Variants in PRDM15 observed in about 807,000 individuals in gnomAD.
The protein encoded by PRDM15 is PR/SET domain 15.
PRDM15 carries 64 observed loss-of-function variants against 128.6 expected under a neutral mutation model. The observed-to-expected ratio is 0.50, with a 90% CI of 0.41 to 0.61. PRDM15 has a LOEUF of 0.61. Ranked by LOEUF, PRDM15 falls within the 20% of genes least tolerant of loss-of-function variation. The pLI, the probability that PRDM15 is intolerant of heterozygous loss-of-function variation, is 0.00. For synonymous variants in PRDM15, 615 were observed against 621.8 expected, an observed-to-expected ratio of 0.99 and a Z score of 0.16; for missense variants, 1,242 against 1,569.1, an observed-to-expected ratio of 0.79 and a Z score of 3.52.
chr21:41,878,596 G>A, intron 1 of PRDM15: 1 of 632,710 alleles, frequency 1.6e-6, no homozygotes. Context: ...ACCCACCCCG[G>A]GTAGGCACGC....
At chr21:41,806,021 C>T (rs796302490) in intron 21 of PRDM15, among the ~76,000 whole-genome samples, 6,588 of 25,540 alleles carry the variant, frequency 0.26, 237 homozygotes, top group Admixed American at 0.4. Context: ...ACCACCATCA[C>T]CACCACCACC....
intron 21 of PRDM15, among the ~76,000 whole-genome samples, chr21:41,806,052 C>T (rs201043032): frequency 1.6e-3 from 40 of 24,616 alleles, no homozygotes; most frequent in Middle Eastern, 0.011. Flanking sequence ...CCATCACCAC[C>T]ACCACCATCA....
chr21:41,850,137 G>A (rs554094108), intron 5 of PRDM15, among the ~76,000 whole-genome samples: 126 of 152,330 alleles, frequency 8.3e-4, no homozygotes, highest in Middle Eastern at 3.4e-3. Flanking sequence ...GAGAAGGTGA[G>A]TGAGAAATGG....
Position 41,834,951 on chromosome 21 carries a change from G to A in PRDM15, c.1366+486C>T, listed in dbSNP as rs192444713. Reference sequence around the variant, plus strand: ...AAGCTGGTGCACACAAGCAGGCTCAGAACAAAAAGAATGCGTGCAGGGGCA... The same window carrying A: ...AAGCTGGTGCACACAAGCAGGCTCAAAACAAAAAGAATGCGTGCAGGGGCA... On this transcript the variant is annotated intron_variant, in intron 11 of 23. Transcript: ENST00000398548. Among the ~76,000 whole-genome samples the A allele has an allele frequency of 7.9e-5, 12 of 152,310 alleles. No individual in the cohort carries two copies. In the East Asian group the frequency reaches 2.3e-3, roughly 29 times the overall value.
intron 1 of PRDM15, among the ~76,000 whole-genome samples, chr21:41,869,242 T>C (rs1053194642): frequency 2.6e-5 from 4 of 152,126 alleles, no homozygotes; most frequent in Non-Finnish European, 4.4e-5. Context: ...CTAAGACCTC[T>C]CTTCACCAAG....
At chr21:41,867,066 G>A (rs1052763354) in intron 1 of PRDM15, among the ~76,000 whole-genome samples, 3 of 152,214 alleles carry the variant, frequency 2.0e-5, no homozygotes, top group Non-Finnish European at 4.4e-5. Flanking sequence ...ACAGGGCTAA[G>A]GGAGCAGGGA....
intron 18 of PRDM15, among the ~76,000 whole-genome samples, chr21:41,816,554 A>G (rs776913045): frequency 3.3e-5 from 5 of 152,202 alleles, no homozygotes; most frequent in Non-Finnish European, 7.3e-5. Flanking sequence ...CTCCCAGGCC[A>G]CCGTGTTCCC....
chr21:41,844,285 C>T lies in PRDM15; in HGVS notation c.640+2805G>A, dbSNP rs567959590. Among the ~76,000 whole-genome samples, 319 of 152,090 alleles carry T rather than the reference C, an allele frequency of 2.1e-3. 2 individuals are homozygous for T. The highest frequency in any genetic ancestry group is 7.3e-3 in the African/African-American group (302 of 41,446). ...TCTGGGACAGCGCTCAGTGCCAGTC[C>T]GCTGAGGATATCCAAAGTGGCATGT... On this transcript the variant is annotated intron_variant, in intron 6 of 23. Transcript: ENST00000398548.
Position 41,828,202 on chromosome 21 carries a change from C to G in PRDM15, c.1498G>C (p.Asp500His). 3.1e-6 allele frequency: 5 copies of G among 1,614,060 alleles called. No individual in the cohort carries two copies. Among genetic ancestry groups the G allele is most frequent in the Non-Finnish European group, 4.2e-6 (5 of 1,179,984 alleles). Residue 500 changes from aspartate to histidine, a missense_variant, in exon 12 of 24, where the codon GAC becomes CAC. Transcript: ENST00000398548. This position sits in a 1 kb window ranked among gnomAD's most constrained non-coding sequence, Gnocchi z 5.7. ...EVCSKMFYRKDVMLDHQRRHL... is the reference protein window; with the variant it reads ...EVCSKMFYRKHVMLDHQRRHL... ...CGGCGCTGGTGGTCCAGCATGACGT[C>G]CTTGCGGTAGAACATCTTGCTGCAG...
intron 6 of PRDM15, 59 bp downstream of exon 6, chr21:41,847,031 G>T: frequency 8.6e-7 from 1 of 1,163,518 alleles, no homozygotes; most frequent in Non-Finnish European, 1.2e-6. Context: ...GACAGCGTAA[G>T]TCAGAGAGAA....
chr21:41,853,316 G>A (rs568988595), intron 5 of PRDM15, among the ~76,000 whole-genome samples: 16 of 152,270 alleles, frequency 1.1e-4, no homozygotes, highest in Middle Eastern at 6.8e-3. Flanking sequence ...TTAAGCTACC[G>A]AGCTACTAAT....
chr21:41,836,761 T>C (rs1431403271), intron 8 of PRDM15, 112 bp from the exon 9 acceptor site: 5 of 883,378 alleles, frequency 5.7e-6, no homozygotes, highest in Non-Finnish European at 8.8e-6. Flanking sequence ...CCCGAGCCTG[T>C]ATGCGAGAAA....
At chr21:41,823,742 A>G (rs1254118658) in intron 13 of PRDM15, among the ~76,000 whole-genome samples, 1 of 152,244 alleles carries the variant, frequency 6.6e-6, no homozygotes, top group Non-Finnish European at 1.5e-5. Context: ...GCCCATTTAA[A>G]TATTTCCCTA....
chr21:41,833,899 C>T (rs1201750636), intron 11 of PRDM15, among the ~76,000 whole-genome samples: 1 of 152,226 alleles, frequency 6.6e-6, no homozygotes, highest in African/African-American at 2.4e-5. Flanking sequence ...GGTAGCATCA[C>T]TCTTGGGAAC....
At position 41,847,127 on chromosome 21, in the gene PRDM15, C is replaced by T. The variant is rs2063289719; in HGVS notation, c.603G>A (p.Val201=). The change falls in exon 6 of 24, where the codon GTG becomes GTA. Residue 201 remains valine, a synonymous_variant. Coordinates refer to ENST00000398548, the MANE Select transcript of PRDM15 (RefSeq NM_001040424.3). ...GCAGCTCCAGGAAGGTGGCAGAACA[C>T]ACTTTACACGCCCACTGGCTGGGCT... ...ESEPSQWACK[V]CSATFLELQL... The T allele has an allele frequency of 1.3e-6, 2 of 1,555,228 alleles. No individual in the cohort carries two copies. The highest frequency in any genetic ancestry group is 1.4e-5 in the African/African-American group (1 of 73,544).
At chr21:41,851,115 A>G (rs552353377) in intron 5 of PRDM15, among the ~76,000 whole-genome samples, 1 of 85,516 alleles carries the variant, frequency 1.2e-5, no homozygotes, top group East Asian at 3.2e-4. Flanking sequence ...ACTGGGCCAG[A>G]GGTACAACAA....
At position 41,828,141 on chromosome 21, in the gene PRDM15, G is replaced by T; in HGVS notation, c.1534+25C>A. The stretch of plus-strand genomic sequence containing the variant: ...CCGCAGGAGCTGCCTCTCCCCGCCC[G>T]CAGCAGGTGCGCAGGCGGCCTCACC... On this transcript the variant is annotated intron_variant, in intron 12 of 23. Transcript: ENST00000398548. This position sits in a 1 kb window ranked among gnomAD's most constrained non-coding sequence, Gnocchi z 5.7. 1.9e-6 allele frequency: 3 copies of T among 1,610,246 alleles called. No homozygotes were observed. Among genetic ancestry groups the T allele is most frequent in the Non-Finnish European group, 2.5e-6 (3 of 1,178,806 alleles).
chr21:41,810,100 G>A lies in PRDM15; in HGVS notation c.2652+54C>T, dbSNP rs1215112241. ...GTGGGCCATGTGCCAGCATGGGGGT[G>A]TCCGGTGCGCGGCCCGCTGGCGGGG... On this transcript the variant is annotated intron_variant, in intron 21 of 23. Transcript: ENST00000398548. This position sits in a 1 kb window ranked among gnomAD's most constrained non-coding sequence, Gnocchi z 6.4. 1 of 1,549,608 alleles carries A rather than the reference G, an allele frequency of 6.5e-7. No homozygotes were observed. The highest frequency in any genetic ancestry group is 1.2e-5 in the South Asian group (1 of 85,680).
At chr21:41,858,961 A>G (rs1331292570) in intron 3 of PRDM15, 7 of 1,212,834 alleles carry the variant, frequency 5.8e-6, no homozygotes, top group Non-Finnish European at 8.1e-6. Flanking sequence ...CACCACAACC[A>G]CCCCACGGGA....
Sources: allele counts gnomAD v4.1 joint callset (sites outside exome capture counted in the v4.1 genomes callset), GRCh38; gene constraint gnomAD v4.1.1; non-coding constraint Gnocchi (gnomAD v3.1); transcripts MANE v1.5; gene names NCBI Gene and HGNC (gene_info 2026-07-23, HGNC 2026-07-21).